The following GALNT13 variants were observed in gnomAD, a reference collection of about 807,000 sequenced individuals.
GALNT13 encodes the protein UDP-GalNAc:polypeptide N-acetylgalactosaminyltransferase 13.
Under a neutral mutation model 64.2 loss-of-function variants are expected in GALNT13, and 28 were observed. The ratio of observed to expected loss-of-function variants is 0.44; its 90% CI spans 0.32 to 0.60. The LOEUF is 0.60. Ranked by LOEUF, GALNT13 falls within the 20% of genes least tolerant of loss-of-function variation. The pLI is 0.05. For missense variants in GALNT13, 577 were observed against 669.8 expected, an observed-to-expected ratio of 0.86 and a Z score of 1.53; for synonymous variants, 214 against 224.6, an observed-to-expected ratio of 0.95 and a Z score of 0.42.
intron 9 of GALNT13, among the ~76,000 whole-genome samples, chr2:154,362,351 T>C (rs1037780150): frequency 7.1e-6 from 1 of 141,830 alleles, no homozygotes; most frequent in African/African-American, 2.6e-5. Flanking sequence ...TAGAATAAAA[T>C]AGAGTAGGTT....
At chr2:154,354,935 A>ACAC (rs1553518877) in intron 9 of GALNT13, among the ~76,000 whole-genome samples, 5 of 151,754 alleles carry the variant, frequency 3.3e-5, no homozygotes, top group East Asian at 1.9e-4. Context: ...GTTTTCTCTG[A>ACAC]CACTAACTTT....
the GALNT13 span, among the ~76,000 whole-genome samples, chr2:153,578,175 CT>C: frequency 6.6e-6 from 1 of 152,038 alleles, no homozygotes; most frequent in East Asian, 1.9e-4. Flanking sequence ...TAGTTCAGTG[CT>C]TTAGGGTAAA....
chr2:154,429,259 G>A (rs1195592897), intron 11 of GALNT13, among the ~76,000 whole-genome samples: 2 of 152,068 alleles, frequency 1.3e-5, no homozygotes, highest in Non-Finnish European at 2.9e-5. Context: ...CCAAAAAGTA[G>A]GCATCTTGCA....
At chr2:154,249,886 A>G (rs1383660070) in intron 7 of GALNT13, among the ~76,000 whole-genome samples, 1 of 152,086 alleles carries the variant, frequency 6.6e-6, no homozygotes, top group Non-Finnish European at 1.5e-5. Context: ...TAGAATTAGG[A>G]GTTTATGAAG....
intron 8 of GALNT13, chr2:154,286,778 A>C (rs566908310): frequency 6.1e-6 from 2 of 325,502 alleles, no homozygotes; most frequent in Admixed American, 3.9e-5. Flanking sequence ...TGGGTACAGA[A>C]ACCAATTTTC....
the GALNT13 span, among the ~76,000 whole-genome samples, chr2:153,765,664 T>A: frequency 2.1e-3 from 319 of 152,146 alleles, 1 homozygote; most frequent in African/African-American, 7.6e-3. Flanking sequence ...TGTTTTTAAA[T>A]GTGAAAAGGG....
intron 8 of GALNT13, among the ~76,000 whole-genome samples, chr2:154,283,196 G>A (rs1692060532): frequency 6.6e-6 from 1 of 152,088 alleles, no homozygotes; most frequent in African/African-American, 2.4e-5. Flanking sequence ...AAAGTGGAGA[G>A]TTGATATACT....
chr2:154,144,883 T>G (rs1334384961), intron 4 of GALNT13, among the ~76,000 whole-genome samples: 2 of 151,710 alleles, frequency 1.3e-5, no homozygotes, highest in African/African-American at 4.8e-5. Flanking sequence ...TATTTAATAT[T>G]TTAATACACG....
At chr2:153,594,282 C>T in the GALNT13 span, among the ~76,000 whole-genome samples, 1 of 152,044 alleles carries the variant, frequency 6.6e-6, no homozygotes, top group Non-Finnish European at 1.5e-5. Flanking sequence ...ATAAAGGTTA[C>T]CAATGACTAA....
At chr2:153,315,109 G>C in the GALNT13 span, among the ~76,000 whole-genome samples, 1 of 151,954 alleles carries the variant, frequency 6.6e-6, no homozygotes, top group African/African-American at 2.4e-5. Context: ...TCAAGAAAAG[G>C]GTTATTATAA....
intron 8 of GALNT13, among the ~76,000 whole-genome samples, chr2:154,295,375 T>TATTTATTTATTTA (rs1424978716): frequency 1.2e-4 from 18 of 151,248 alleles, no homozygotes; most frequent in Non-Finnish European, 2.4e-4. Context: ...TTTATTTATT[T>TATTTATTTATTTA]ATTTTTGCGA....
At position 153,921,301 on chromosome 2, in the gene GALNT13, A is replaced by T. The variant is rs192248212; in HGVS notation, c.-105+20294A>T. On this transcript the variant is annotated intron_variant, in intron 2 of 12. Transcript: ENST00000392825. ...GAAATACTATACGGACACAAAAAAGATCATATCCTTAGCAATAACATGGAT... is the reference window on the plus strand; with the variant it reads ...GAAATACTATACGGACACAAAAAAGTTCATATCCTTAGCAATAACATGGAT... Among the ~76,000 whole-genome samples the T allele has an allele frequency of 7.6e-4, 116 of 152,260 alleles. 1 individual carries two copies. The highest frequency in any genetic ancestry group is 3.4e-3 in the Middle Eastern group (1 of 294).
chr2:154,019,690 TG>T (rs61090643), intron 3 of GALNT13, among the ~76,000 whole-genome samples: 10,190 of 87,116 alleles, frequency 0.12, 475 homozygotes, highest in East Asian at 0.43. Context: ...AATGATTTTT[TG>T]TTTTTTTTGT....
At chr2:154,130,699 A>C (rs1321925397) in intron 3 of GALNT13, among the ~76,000 whole-genome samples, 1 of 152,198 alleles carries the variant, frequency 6.6e-6, no homozygotes, top group Non-Finnish European at 1.5e-5. Context: ...TATTTTAAAA[A>C]TATATGTCCA....
Position 154,204,874 on chromosome 2 carries a change from G to C in GALNT13, c.312-37156G>C, listed in dbSNP as rs557606049. Among the ~76,000 whole-genome samples the C allele has an allele frequency of 4.6e-5, 7 of 152,214 alleles. No homozygotes were observed. The South Asian group carries it at 1.5e-3, about 32-fold the overall frequency. The stretch of plus-strand genomic sequence containing the variant: ...GTGTCAGTTCTCCCCTCTTCATTGA[G>C]AGTTAGCTGTTTTCACAAGTCTCTG... On this transcript the variant is annotated intron_variant, in intron 4 of 12. Coordinates refer to ENST00000392825, the MANE Select transcript of GALNT13 (RefSeq NM_052917.4).
the GALNT13 span, among the ~76,000 whole-genome samples, chr2:153,250,214 GT>G: frequency 1.3e-5 from 2 of 152,200 alleles, no homozygotes; most frequent in Non-Finnish European, 2.9e-5. Context: ...CCATCAAAAA[GT>G]GGGCAAAGGA....
At chr2:153,958,279 A>AGG (rs932323492) in intron 3 of GALNT13, among the ~76,000 whole-genome samples, 12 of 152,126 alleles carry the variant, frequency 7.9e-5, no homozygotes, top group African/African-American at 2.7e-4. Context: ...TAGGCCTCCA[A>AGG]GGGGAAGCAG....
chr2:153,313,086 G>T, the GALNT13 span, among the ~76,000 whole-genome samples: 2 of 152,144 alleles, frequency 1.3e-5, no homozygotes, highest in Admixed American at 1.3e-4. Flanking sequence ...CTTATACACT[G>T]TTGGGAGTGT....
the GALNT13 span, among the ~76,000 whole-genome samples, chr2:153,727,280 CA>C: frequency 2.0e-5 from 3 of 152,156 alleles, no homozygotes; most frequent in Non-Finnish European, 4.4e-5. Flanking sequence ...TTTTGCTTAA[CA>C]AAAGGTTTGT....
Sources: gnomAD v4.1 joint callset for allele counts (sites outside exome capture counted in the v4.1 genomes callset) on GRCh38, gnomAD v4.1.1 for gene constraint, MANE v1.5 for transcripts, NCBI Gene and HGNC (gene_info 2026-07-23, HGNC 2026-07-21) for gene names.